SLC7A9: variants seen among roughly 807,000 people sequenced by gnomAD.
SLC7A9 encodes solute carrier family 7 member 9, also known as B(0,+)-type amino acid transporter 1.
In SLC7A9, 38 loss-of-function variants were observed where a neutral mutation model predicts 54.1. The ratio of observed to expected loss-of-function variants is 0.70; its 90% CI spans 0.54 to 0.92. The LOEUF (loss-of-function observed/expected upper bound fraction) is 0.92, where lower values mean the gene tolerates loss of function less well. SLC7A9 is among the 40% of genes least tolerant of loss of function. The pLI, the probability that SLC7A9 is intolerant of heterozygous loss-of-function variation, is 0.00. For synonymous variants in SLC7A9, 264 were observed against 258.9 expected, an observed-to-expected ratio of 1.02 and a Z score of -0.19; for missense variants, 537 against 636.1, an observed-to-expected ratio of 0.84 and a Z score of 1.68.
chr19:32,861,345 A>G (rs1968795030), intron 6 of SLC7A9, among the ~76,000 whole-genome samples: 1 of 152,090 alleles, frequency 6.6e-6, no homozygotes, highest in Non-Finnish European at 1.5e-5. Flanking sequence ...AAAAAAAGAA[A>G]AAAAAGGACA....
chr19:32,853,071 C>T lies in SLC7A9; in HGVS notation c.977+5369G>A, dbSNP rs138490492. Among the ~76,000 whole-genome samples the T allele has an allele frequency of 2.9e-3, 434 of 152,030 alleles. 5 individuals carry two copies. The highest frequency in any genetic ancestry group is 1.0e-2 in the African/African-American group (413 of 41,474). ...TGGGATTATAGGCGCCCACCACGTC[C>T]GGCTAATTTTTGTACTTTTAGTAGA... On this transcript the variant is annotated intron_variant, in intron 9 of 12. Coordinates refer to ENST00000023064, the MANE Select transcript of SLC7A9 (RefSeq NM_014270.5).
chr19:32,844,577 A>G (rs1223309927), intron 9 of SLC7A9, among the ~76,000 whole-genome samples: 3 of 152,160 alleles, frequency 2.0e-5, no homozygotes, highest in Non-Finnish European at 4.4e-5. Context: ...CACACCTGTA[A>G]TCCCAGCACT....
chr19:32,830,746 G>T, intron 12 of SLC7A9, 62 bp from the exon 13 acceptor site: 2 of 1,288,048 alleles, frequency 1.6e-6, no homozygotes, highest in South Asian at 1.2e-5. Context: ...TTTCACTGGA[G>T]TTGTTGTGGG....
At chr19:32,834,139 C>T (rs143491110) in intron 11 of SLC7A9, among the ~76,000 whole-genome samples, 63 of 152,190 alleles carry the variant, frequency 4.1e-4, no homozygotes, top group Non-Finnish European at 7.8e-4. Flanking sequence ...AGGTCCTGTG[C>T]GGGGCGGCAG....
chr19:32,850,573 G>A (rs1968440181), intron 9 of SLC7A9, among the ~76,000 whole-genome samples: 1 of 151,942 alleles, frequency 6.6e-6, no homozygotes, highest in Non-Finnish European at 1.5e-5. Flanking sequence ...TGGGTAGGAA[G>A]AATCAATATT....
At chr19:32,842,372 G>A in intron 10 of SLC7A9, 55 bp from the exon 11 acceptor site, 2 of 1,543,038 alleles carry the variant, frequency 1.3e-6, no homozygotes, top group Non-Finnish European at 1.8e-6. Flanking sequence ...CTGTTCTCAT[G>A]TCACAGAAGA....
chr19:32,868,677 G>A, intron 1 of SLC7A9, 32 bp from the exon 2 acceptor site: 2 of 725,692 alleles, frequency 2.8e-6, no homozygotes, highest in Non-Finnish European at 5.0e-6. Flanking sequence ...TATTGCTGCA[G>A]GTGGGGGCCG....
chr19:32,847,412 G>A (rs1056805256), intron 9 of SLC7A9, among the ~76,000 whole-genome samples: 2 of 152,144 alleles, frequency 1.3e-5, no homozygotes, highest in African/African-American at 2.4e-5. Context: ...GAGCCGATGC[G>A]ATCAACTGGA....
intron 4 of SLC7A9, 78 bp downstream of exon 4, chr19:32,864,018 G>T: frequency 6.2e-7 from 1 of 1,603,874 alleles, no homozygotes; most frequent in Non-Finnish European, 8.5e-7. Flanking sequence ...ACTCACTGGG[G>T]AGGAGCTGAG....
intron 8 of SLC7A9, 27 bp downstream of exon 8, chr19:32,859,814 C>A (rs773714812): frequency 3.8e-6 from 6 of 1,588,064 alleles, no homozygotes; most frequent in Admixed American, 3.3e-5. Context: ...CCACAGCCCC[C>A]GCCAGCAGCG....
At chr19:32,836,824 G>T (rs1967971425) in intron 11 of SLC7A9, among the ~76,000 whole-genome samples, 1 of 152,174 alleles carries the variant, frequency 6.6e-6, no homozygotes, top group Non-Finnish European at 1.5e-5. Context: ...CTTCATTGTG[G>T]ATTTTAGCCT....
intron 9 of SLC7A9, among the ~76,000 whole-genome samples, chr19:32,855,741 C>T (rs1968609788): frequency 1.3e-5 from 2 of 152,102 alleles, no homozygotes; most frequent in African/African-American, 4.8e-5. Flanking sequence ...CTCACTGCAA[C>T]CTTGGCATTA....
intron 2 of SLC7A9, among the ~76,000 whole-genome samples, chr19:32,866,157 G>A (rs1014570065): frequency 6.6e-6 from 1 of 152,134 alleles, no homozygotes; most frequent in Non-Finnish European, 1.5e-5. Flanking sequence ...AGATCGCAGG[G>A]GATGAGGGGC....
intron 11 of SLC7A9, among the ~76,000 whole-genome samples, chr19:32,836,560 A>G (rs981861888): frequency 1.3e-5 from 2 of 152,136 alleles, no homozygotes; most frequent in African/African-American, 4.8e-5. Flanking sequence ...GACAGGTCCC[A>G]TTTGCAACTG....
intron 9 of SLC7A9, among the ~76,000 whole-genome samples, chr19:32,848,106 G>T (rs1178256739): frequency 1.3e-5 from 2 of 150,474 alleles, no homozygotes; most frequent in Non-Finnish European, 3.0e-5. Flanking sequence ...AGACCATCAA[G>T]GCTAGGAAGA....
intron 11 of SLC7A9, among the ~76,000 whole-genome samples, chr19:32,834,568 T>G (rs1278963349): frequency 2.0e-5 from 3 of 151,902 alleles, no homozygotes; most frequent in Non-Finnish European, 4.4e-5. Context: ...AGGCGGAGGC[T>G]GCAGTGAGCA....
rs1237836237 is a variant in SLC7A9 at position 32,833,160 on chromosome 19, T to C, written c.1388A>G (p.Gln463Arg). The C allele has an allele frequency of 9.9e-6, 16 of 1,614,160 alleles. No homozygotes were observed. Among genetic ancestry groups the C allele is most frequent in the Non-Finnish European group, 1.3e-5 (15 of 1,180,006 alleles). The change falls in exon 12 of 13, where the codon CAG becomes CGG. Residue 463 changes from glutamine to arginine, a missense_variant. By Grantham distance (43) the Gln-to-Arg change is conservative (BLOSUM62 1). Transcript: ENST00000023064. ...CTGTTGGTACTTACTTGAGATTTTC[T>C]GAGCCCATCCAAACTTGTAGTGGAC... ...LFVHYKFGWA[Q>R]KISKPITMHL... is the part of the protein sequence containing the mutation.
chr19:32,862,286 A>C, intron 5 of SLC7A9, 69 bp from the exon 6 acceptor site: 2 of 1,453,024 alleles, frequency 1.4e-6, no homozygotes, highest in Non-Finnish European at 1.9e-6. Context: ...TCCACGGGAA[A>C]GATGGGCATG....
intron 11 of SLC7A9, among the ~76,000 whole-genome samples, chr19:32,837,619 T>G (rs147959246): frequency 8.0e-4 from 122 of 152,260 alleles, no homozygotes; most frequent in Middle Eastern, 3.4e-3. Context: ...TAAAATAATT[T>G]TTGGTGACCA....
Sources: gnomAD v4.1 joint callset for allele counts (sites outside exome capture counted in the v4.1 genomes callset) on GRCh38, gnomAD v4.1.1 for gene constraint, MANE v1.5 for transcripts, NCBI Gene and HGNC (gene_info 2026-07-23, HGNC 2026-07-21) for gene names.